The following PRODH2 variants were observed in gnomAD, a reference collection of about 807,000 sequenced individuals.
PRODH2 encodes the protein hydroxyproline dehydrogenase.
Under a neutral mutation model 51.9 loss-of-function variants are expected in PRODH2, and 49 were observed. That is an observed-to-expected ratio of 0.94 (90% CI 0.75 to 1.20). PRODH2 has a LOEUF of 1.20. Ranked by LOEUF, PRODH2 falls within the 50% of genes most tolerant of loss-of-function variation. The pLI is 0.00. For missense variants in PRODH2, 597 were observed against 610.9 expected (o/e 0.98, Z 0.24); for synonymous variants, 249 against 260.7 (o/e 0.96, Z 0.43).
chr19:35,812,071 G>C, intron 3 of PRODH2, 23 bp from the exon 4 acceptor site: 1 of 1,614,012 alleles, frequency 6.2e-7, no homozygotes, highest in Non-Finnish European at 8.5e-7. Context: ...GGTAGGCGGG[G>C]TGGTGAGGGG....
chr19:35,809,981 A>AAAAAAAAC (rs1972581660), intron 4 of PRODH2, among the ~76,000 whole-genome samples: 1 of 133,496 alleles, frequency 7.5e-6, no homozygotes, highest in Non-Finnish European at 1.6e-5. Flanking sequence ...AAAAAAAAAA[A>AAAAAAAAC]AAAACGCTGG....
intron 7 of PRODH2, among the ~76,000 whole-genome samples, chr19:35,803,659 A>G (rs1410762160): frequency 6.6e-6 from 1 of 152,218 alleles, no homozygotes; most frequent in Non-Finnish European, 1.5e-5. Context: ...GCGGTCTCAC[A>G]GGAGAGGGTC....
At position 35,803,443 on chromosome 19, in the gene PRODH2, C is replaced by T. The variant is rs1426416052; in HGVS notation, c.1002-365G>A. ...CTAATTTTTGTATTTTTAGTAGAGA[C>T]GGAGTTTCGCCATGTTGCCCAGGCT... On this transcript the variant is annotated intron_variant, in intron 7 of 9. Coordinates refer to ENST00000653904, the MANE Select transcript of PRODH2 (RefSeq NM_021232.2). Among the ~76,000 whole-genome samples, 4 of 151,984 alleles carry T rather than the reference C, an allele frequency of 2.6e-5. No individual in the cohort carries two copies. The East Asian group carries it at 5.8e-4, about 22-fold the overall frequency.
In PRODH2 at chr19:35,812,442, C is replaced by A. The variant is rs762146162; in HGVS notation, c.289G>T (p.Val97Leu). The change falls in exon 2 of 10, where the codon GTG becomes TTG. Residue 97 changes from valine to leucine, a missense_variant. Coordinates refer to ENST00000653904, the MANE Select transcript of PRODH2 (RefSeq NM_021232.2). ...GETAEEVKGC[V>L]QQLRTLSLRP... ...AGGCTGAGGGTCCGCAGCTGCTGCA[C>A]GCAGCCCTTCACCTCCTCTGCTGTC... 4.3e-6 allele frequency: 7 copies of A among 1,614,248 alleles called. No homozygotes were observed. The East Asian group carries it at 1.3e-4, about 31-fold the overall frequency.
At chr19:35,808,563 A>G (rs1972549489) in intron 4 of PRODH2, among the ~76,000 whole-genome samples, 2 of 152,210 alleles carry the variant, frequency 1.3e-5, no homozygotes, top group Admixed American at 6.6e-5. Context: ...TTAGGCCCTC[A>G]GGGAGCTATT....
In PRODH2 at chr19:35,812,276, C is replaced by T. The variant is rs758644016; in HGVS notation, c.372-4G>A. On this transcript the variant is annotated splice_polypyrimidine_tract_variant and splice_region_variant and intron_variant, in intron 2 of 9. Transcript: ENST00000653904. Reference sequence around the variant, plus strand: ...GTTCCCCTCATACCACGCCTCACTGCCCAGCCAGCAGGTGTCAGGGCCCGA... The same window carrying T: ...GTTCCCCTCATACCACGCCTCACTGTCCAGCCAGCAGGTGTCAGGGCCCGA... 6.2e-6 allele frequency: 10 copies of T among 1,613,008 alleles called. No individual in the cohort carries two copies. The African/African-American group carries it at 1.2e-4, about 19-fold the overall frequency.
Position 35,806,595 on chromosome 19 carries a change from T to A in PRODH2, c.836A>T (p.Asp279Val). Residue 279 changes from aspartate (D) to valine (V), a missense_variant and splice_region_variant, in exon 7 of 10, where the codon GAC (aspartate) becomes GTC (valine). Coordinates refer to ENST00000653904, the MANE Select transcript of PRODH2 (RefSeq NM_021232.2). ...VWNTYQACLK[D>V]TFERLGRDAE... is the part of the protein sequence containing the mutation. ...ATCCCTCCCCAGCCGCTCGAATGTG[T>A]CCTATAGGGCACGCAGGCAGGTTCT... is the stretch of plus-strand genomic sequence containing the variant. 1 of 1,614,114 alleles carries A rather than the reference T, an allele frequency of 6.2e-7. No homozygotes were observed. Among genetic ancestry groups the A allele is most frequent in the Non-Finnish European group, 8.5e-7 (1 of 1,180,022 alleles).
At chr19:35,807,146 G>A (rs1358026494) in intron 4 of PRODH2, 25 bp from the exon 5 acceptor site, 9 of 1,518,914 alleles carry the variant, frequency 5.9e-6, no homozygotes, top group Admixed American at 2.0e-5. Flanking sequence ...GGGAAGTGGG[G>A]AAAAGCTTAT....
In PRODH2 at chr19:35,812,363, C is replaced by T. The variant is rs777982649; in HGVS notation, c.368G>A (p.Ser123Asn). ...TGGGCCCTGGCTCCCTACTCACCCA[C>T]TCTTGGCAGCAGAGTCCGGCTCCTC... ...TEEEPDSAAK[S>N]GEAWYEGNLG... The change falls in exon 2 of 10, where the codon AGT becomes AAT. Residue 123 changes from serine (S) to asparagine (N), a missense_variant. Transcript: ENST00000653904. 6.2e-7 allele frequency: 1 copy of T among 1,612,408 alleles called. No homozygotes were observed. Among genetic ancestry groups the T allele is most frequent in the Non-Finnish European group, 8.5e-7 (1 of 1,178,716 alleles).
intron 7 of PRODH2, among the ~76,000 whole-genome samples, chr19:35,803,719 G>A (rs1170056494): frequency 6.6e-6 from 1 of 152,204 alleles, no homozygotes; most frequent in African/African-American, 2.4e-5. Context: ...CTGCTGCATT[G>A]TCAACAGAAC....
chr19:35,811,895 G>T (rs1771043853), intron 4 of PRODH2, 67 bp downstream of exon 4: 1 of 1,464,506 alleles, frequency 6.8e-7, no homozygotes, highest in African/African-American at 1.4e-5. Context: ...TGAACATCTG[G>T]CGTGCGGTGT....
rs776780181 is a variant in PRODH2 at position 35,806,737 on chromosome 19, G to T, written c.772C>A (p.Arg258Ser). 1.2e-6 allele frequency: 2 copies of T among 1,613,614 alleles called. No homozygotes were observed. The highest frequency in any genetic ancestry group is 2.7e-5 in the African/African-American group (2 of 74,924). Residue 258 changes from arginine (R) to serine (S), a missense_variant, in exon 6 of 10, where the codon CGC becomes AGC. Transcript: ENST00000653904. ...LSLLVAALAVRWNSPGEGGPW... is the reference protein window; with the variant it reads ...LSLLVAALAVSWNSPGEGGPW... The stretch of plus-strand genomic sequence containing the variant: ...CCGCCTTCACCCGGGCTGTTCCAGC[G>T]CACAGCCAGGGCAGCCACCAGCAGC...
Position 35,812,436 on chromosome 19 carries a change from G to T in PRODH2, c.295C>A (p.Gln99Lys), listed in dbSNP as rs776222472. ...TAEEVKGCVQ[Q>K]LRTLSLRPLL... ...GGTCGGAGGCTGAGGGTCCGCAGCT[G>T]CTGCACGCAGCCCTTCACCTCCTCT... The change falls in exon 2 of 10, where the codon CAG becomes AAG. Residue 99 changes from glutamine (Q) to lysine (K), a missense_variant. By Grantham distance (53) the Gln-to-Lys change is moderately conservative. Coordinates refer to ENST00000653904, the MANE Select transcript of PRODH2 (RefSeq NM_021232.2). The T allele has an allele frequency of 4.8e-5, 78 of 1,614,118 alleles. No homozygotes were observed. Among genetic ancestry groups the T allele is most frequent in the Non-Finnish European group, 6.5e-5 (77 of 1,180,054 alleles).
chr19:35,811,837 G>T, intron 4 of PRODH2, 125 bp downstream of exon 4: 2 of 919,504 alleles, frequency 2.2e-6, no homozygotes, highest in Non-Finnish European at 3.3e-6. Flanking sequence ...GGGAGCTACA[G>T]CTGCACTTCT....
intron 7 of PRODH2, among the ~76,000 whole-genome samples, chr19:35,806,044 C>T (rs1972505689): frequency 6.6e-6 from 1 of 151,600 alleles, no homozygotes; most frequent in African/African-American, 2.4e-5. Flanking sequence ...GGCTTAGAGG[C>T]CACTGTAAGG....
At chr19:35,801,446 A>G (rs2146777707) in intron 9 of PRODH2, among the ~76,000 whole-genome samples, 1 of 152,192 alleles carries the variant, frequency 6.6e-6, no homozygotes, top group East Asian at 1.9e-4. Flanking sequence ...TGCCTGGGTA[A>G]CAGAGCAAGA....
At position 35,800,187 on chromosome 19, in the gene PRODH2, A is replaced by T; in HGVS notation, c.1234T>A (p.Tyr412Asn). Residue 412 changes from tyrosine to asparagine, a missense_variant, in exon 10 of 10, where the codon TAT (tyrosine) becomes AAT (asparagine). By Grantham distance (143) the Tyr-to-Asn change is moderately radical. Transcript: ENST00000653904. ...GGGATTACCTCCTCCAAGGAGCCAT[A>T]GGGAATGGACTTATACACTACATAG... ...AGYVVYKSIP[Y>N]GSLEEVIPYL... The T allele has an allele frequency of 6.2e-7, 1 of 1,601,344 alleles. No individual in the cohort carries two copies. Among genetic ancestry groups the T allele is most frequent in the Non-Finnish European group, 8.5e-7 (1 of 1,173,774 alleles).
chr19:35,807,264 G>T (rs1972529424), intron 4 of PRODH2, 143 bp from the exon 5 acceptor site: 1 of 761,610 alleles, frequency 1.3e-6, no homozygotes, highest in Non-Finnish European at 2.1e-6. Context: ...CCTACTGTGT[G>T]ACCTTGGGCA....
At position 35,800,085 on chromosome 19, in the gene PRODH2, C is replaced by A; in HGVS notation, c.1336G>T (p.Glu446Ter). The A allele has an allele frequency of 6.2e-7, 1 of 1,612,310 alleles. No homozygotes were observed. ...CCTGGCAGCAGCCGCCGCCACAGTT[C>A]TTGGCTGAGCAGCTCCTGTTCCCTG... is the stretch of plus-strand genomic sequence containing the variant. ...ARREQELLSQ[E>*]LWRRLLPGCR... Residue 446 changes from glutamate to a stop codon, truncating the protein, a stop_gained, in exon 10 of 10, where the codon GAA becomes TAA. Coordinates refer to ENST00000653904, the MANE Select transcript of PRODH2 (RefSeq NM_021232.2). LOFTEE classifies it low-confidence loss of function (END_TRUNC).
Sources: allele counts gnomAD v4.1 joint callset (sites outside exome capture counted in the v4.1 genomes callset), GRCh38; gene constraint gnomAD v4.1.1; transcripts MANE v1.5; gene names NCBI Gene and HGNC (gene_info 2026-07-23, HGNC 2026-07-21).